CLIC2: variants seen among roughly 807,000 people sequenced by gnomAD.
CLIC2 encodes CLIC family member 2, also known as chloride intracellular channel protein 2.
A neutral mutation model predicts 14.8 loss-of-function variants in CLIC2; 9 were observed. That is an observed-to-expected ratio of 0.61 (90% CI 0.37 to 1.06). CLIC2 has a LOEUF of 1.06. Among genes scored for constraint, CLIC2 ranks in the 50% least tolerant of loss-of-function variants. The pLI, the probability that CLIC2 is intolerant of heterozygous loss-of-function variation, is 0.01. For missense variants in CLIC2, 148 were observed against 181.4 expected, an observed-to-expected ratio of 0.82 and a Z score of 1.06; for synonymous variants, 61 against 66.3, an observed-to-expected ratio of 0.92 and a Z score of 0.39.
intron 1 of CLIC2, among the ~76,000 whole-genome samples, chrX:155,333,690 A>C (rs1038542062): frequency 7.8e-5 from 8 of 102,808 alleles, no homozygotes; most frequent in Non-Finnish European, 4.0e-5. Flanking sequence ...CTCTTGATTT[A>C]GGGGTTTTCC....
rs183704373 is a variant in CLIC2 at position 155,312,104 on chromosome X, T to C, written c.58-12959A>G. 2.2e-3 allele frequency among the ~76,000 whole-genome samples: 244 copies of C among 112,006 alleles called. 5 individuals carry two copies. Among genetic ancestry groups the C allele is most frequent in the Admixed American group, 0.02 (217 of 10,623 alleles). On this transcript the variant is annotated intron_variant, in intron 1 of 5. Transcript: ENST00000369449. ...AACAACATATTAAAATGATCATTCA[T>C]TCTGTAGGTTGTCTGTTTACTGTGT...
chrX:155,291,886 G>A (rs1368490281), intron 3 of CLIC2, among the ~76,000 whole-genome samples: 1 of 111,990 alleles, frequency 8.9e-6, no homozygotes, highest in Non-Finnish European at 1.9e-5. Flanking sequence ...GGGGTCGGAC[G>A]GATGTCAGGA....
At chrX:155,280,990 G>GATAGATATATATATATATATAT (rs1557316383) in intron 3 of CLIC2, among the ~76,000 whole-genome samples, 17 of 89,914 alleles carry the variant, frequency 1.9e-4, no homozygotes, top group African/African-American at 6.6e-4. Flanking sequence ...GAAATTGTGA[G>GATAGATATATATATATATATAT]ATATATATAT....
Position 155,280,025 on chromosome X carries a change from C to T in CLIC2, c.337G>A (p.Gly113Ser). 1 of 1,209,380 alleles carries T rather than the reference C, an allele frequency of 8.3e-7. No homozygotes were observed. Among genetic ancestry groups the T allele is most frequent in the Non-Finnish European group, 1.1e-6 (1 of 893,485 alleles). The change falls in exon 4 of 6, where the codon GGC becomes AGC. Residue 113 changes from glycine (G) to serine (S), a missense_variant. Gly to Ser is a moderately conservative substitution (Grantham distance 56). Transcript: ENST00000369449. ...SPKYKESFDV[G>S]CNLFAKFSAY... ...GAAAACTTGGCAAAGAGGTTACAGC[C>T]CACATCAAAAGACTCCTTGTACTTG...
At chrX:155,328,903 T>C (rs782621281) in intron 1 of CLIC2, among the ~76,000 whole-genome samples, 4 of 111,064 alleles carry the variant, frequency 3.6e-5, no homozygotes, top group Non-Finnish European at 7.6e-5. Flanking sequence ...GATATCCATA[T>C]GCAAAAGAAT....
intron 1 of CLIC2, among the ~76,000 whole-genome samples, chrX:155,303,409 C>CTT (rs1557319436): frequency 1.4e-5 from 1 of 70,152 alleles, no homozygotes; most frequent in African/African-American, 5.0e-5. Flanking sequence ...CAACCCCTGC[C>CTT]TTTTTTTGTT....
At chrX:155,279,371 T>C in intron 4 of CLIC2, 41 bp from the exon 5 acceptor site, 1 of 1,003,281 alleles carries the variant, frequency 1.0e-6, no homozygotes, top group Non-Finnish European at 1.4e-6. Flanking sequence ...AAATGTATTG[T>C]CTTTTGACTA....
chrX:155,281,666 C>G lies in CLIC2; in HGVS notation c.294-1598G>C, dbSNP rs1018686992. 5.4e-5 allele frequency among the ~76,000 whole-genome samples: 6 copies of G among 111,128 alleles called. No individual in the cohort carries two copies. In the East Asian group the frequency reaches 1.4e-3, roughly 26 times the overall value. On this transcript the variant is annotated intron_variant, in intron 3 of 5. Transcript: ENST00000369449. Reference sequence around the variant, plus strand: ...TATCCAGAATCTGTCCACCCCCGCGCCCCTGCCCAGTCCAAAGCCTATATT... The same window carrying G: ...TATCCAGAATCTGTCCACCCCCGCGGCCCTGCCCAGTCCAAAGCCTATATT...
intron 3 of CLIC2, among the ~76,000 whole-genome samples, chrX:155,291,977 G>A (rs2074967818): frequency 8.9e-6 from 1 of 112,247 alleles, no homozygotes. Flanking sequence ...CACCCCCGGA[G>A]CGCAGTCCTC....
intron 3 of CLIC2, chrX:155,290,848 T>A (rs782738697): frequency 1.5e-6 from 1 of 645,343 alleles, no homozygotes; most frequent in South Asian, 2.2e-5. Context: ...GAAATGCTAC[T>A]CCTTGTAGTG....
At chrX:155,328,191 G>C (rs183675912) in intron 1 of CLIC2, among the ~76,000 whole-genome samples, 6 of 110,925 alleles carry the variant, frequency 5.4e-5, no homozygotes, top group East Asian at 2.8e-4. Context: ...AAATAAAAAG[G>C]CTTCCAAATT....
chrX:155,326,154 C>T (rs1193615124), intron 1 of CLIC2, among the ~76,000 whole-genome samples: 1 of 108,975 alleles, frequency 9.2e-6, no homozygotes, highest in Non-Finnish European at 1.9e-5. Context: ...CACCTGTTCC[C>T]CAAAAACCCA....
intron 3 of CLIC2, 24 bp from the exon 4 acceptor site, chrX:155,280,092 T>A (rs979918016): frequency 9.7e-7 from 1 of 1,033,873 alleles, no homozygotes. Flanking sequence ...ATGCGTCAAC[T>A]ATCATTTGCA....
chrX:155,312,397 C>T (rs2075077666), intron 1 of CLIC2, among the ~76,000 whole-genome samples: 1 of 112,020 alleles, frequency 8.9e-6, no homozygotes, highest in Admixed American at 9.5e-5. Context: ...AGCCAATTAT[C>T]CCAGCACCAT....
chrX:155,285,982 TA>T (rs781941364), intron 3 of CLIC2, among the ~76,000 whole-genome samples: 28 of 110,685 alleles, frequency 2.5e-4, no homozygotes, highest in Middle Eastern at 4.6e-3. Flanking sequence ...TTTATTTCAT[TA>T]AAAAAATTTA....
At chrX:155,331,304 C>T (rs2075155913) in intron 1 of CLIC2, among the ~76,000 whole-genome samples, 1 of 110,634 alleles carries the variant, frequency 9.0e-6, no homozygotes, top group African/African-American at 3.3e-5. Flanking sequence ...TACAGGAAAA[C>T]TGAAGGGTTT....
intron 1 of CLIC2, among the ~76,000 whole-genome samples, chrX:155,316,632 C>T (rs1284776788): frequency 4.5e-5 from 5 of 110,364 alleles, no homozygotes; most frequent in South Asian, 3.9e-4. Context: ...TCAGGGTTCT[C>T]TAGAGGGACA....
intron 1 of CLIC2, among the ~76,000 whole-genome samples, chrX:155,317,985 G>A (rs1175916460): frequency 2.7e-5 from 3 of 111,500 alleles, no homozygotes; most frequent in Non-Finnish European, 5.7e-5. Context: ...TACATAAAAA[G>A]CATTCGACAA....
rs782254151 is a variant in CLIC2 at position 155,289,522 on chromosome X, A to G, written c.293+9263T>C. ...TAATTTTAAATCTGAATATTTGTTC[A>G]GAAGTGACAAAGAACACAATTTGCC... On this transcript the variant is annotated intron_variant, in intron 3 of 5. Transcript: ENST00000369449. Among the ~76,000 whole-genome samples, 19 of 112,554 alleles carry G rather than the reference A, an allele frequency of 1.7e-4. No homozygotes were observed. In the South Asian group the frequency reaches 6.6e-3, roughly 39 times the overall value.
Sources: allele counts gnomAD v4.1 joint callset (sites outside exome capture counted in the v4.1 genomes callset), GRCh38; gene constraint gnomAD v4.1.1; transcripts MANE v1.5; gene names NCBI Gene and HGNC (gene_info 2026-07-23, HGNC 2026-07-21).